Variants in CCDC32 observed in about 807,000 individuals in gnomAD.
CCDC32 encodes coiled-coil domain containing 32.
In CCDC32, 9 loss-of-function variants were observed where a neutral mutation model predicts 20.1. The ratio of observed to expected loss-of-function variants is 0.45; its 90% CI spans 0.27 to 0.78. CCDC32 has a LOEUF of 0.78. Ranked by LOEUF, CCDC32 falls within the 30% of genes least tolerant of loss-of-function variation. CCDC32 has a pLI of 0.16. For synonymous variants in CCDC32, 63 were observed against 79.0 expected (o/e 0.80, Z 1.07); for missense variants, 204 against 215.5 (o/e 0.95, Z 0.33).
chr15:40,540,747 A>C (rs576745181), intron 3 of CCDC32, among the ~76,000 whole-genome samples: 1 of 152,138 alleles, frequency 6.6e-6, no homozygotes, highest in Non-Finnish European at 1.5e-5. Context: ...ATCTATCCTA[A>C]CCTTGACCAC....
chr15:40,554,572 A>T (rs146011966), intron 3 of CCDC32, among the ~76,000 whole-genome samples: 1 of 152,080 alleles, frequency 6.6e-6, no homozygotes, highest in East Asian at 1.9e-4. Context: ...GCAGTCTGGG[A>T]CTCAATTATA....
At chr15:40,526,620 A>G (rs1257240524), downstream of CCDC32, among the ~76,000 whole-genome samples, 1 of 152,210 alleles carries the variant, frequency 6.6e-6, no homozygotes, top group Non-Finnish European at 1.5e-5. Flanking sequence ...CTTAATTAGA[A>G]CAAATGTGCT....
At chr15:40,559,126 A>T (rs1890453720) in intron 2 of CCDC32, among the ~76,000 whole-genome samples, 4 of 151,854 alleles carry the variant, frequency 2.6e-5, no homozygotes, top group Non-Finnish European at 5.9e-5. Flanking sequence ...TTGCTCTGTC[A>T]CCCAGGCTGG....
At chr15:40,551,307 G>A (rs1003293800), downstream of CCDC32, among the ~76,000 whole-genome samples, 5 of 151,928 alleles carry the variant, frequency 3.3e-5, no homozygotes, top group Non-Finnish European at 5.9e-5. Flanking sequence ...GTGTGAACCC[G>A]GGAGGCAGAG....
intron 3 of CCDC32, among the ~76,000 whole-genome samples, chr15:40,555,303 T>C (rs1041722103): frequency 1.3e-5 from 2 of 152,218 alleles, no homozygotes; most frequent in African/African-American, 2.4e-5. Context: ...TCAAATTATT[T>C]CCATAGAGAA....
intron 2 of CCDC32, among the ~76,000 whole-genome samples, chr15:40,561,097 G>A (rs928154821): frequency 2.6e-5 from 4 of 152,190 alleles, no homozygotes; most frequent in Non-Finnish European, 5.9e-5. Flanking sequence ...TCCTCTAAGT[G>A]AAGTAACTCA....
chr15:40,535,637 C>T, downstream of CCDC32: 1 of 985,112 alleles, frequency 1.0e-6, no homozygotes, highest in Non-Finnish European at 1.2e-6. Context: ...AAAAATAGTG[C>T]ATGCTGAACA....
downstream of CCDC32, among the ~76,000 whole-genome samples, chr15:40,533,081 A>G (rs1477855232): frequency 1.3e-5 from 2 of 152,256 alleles, no homozygotes; most frequent in Middle Eastern, 3.4e-3. Flanking sequence ...ATGGTTCATC[A>G]TGAGCTCTGT....
At chr15:40,552,689 C>CG (rs1246716643), downstream of CCDC32, among the ~76,000 whole-genome samples, 3 of 136,270 alleles carry the variant, frequency 2.2e-5, no homozygotes, top group Non-Finnish European at 4.6e-5. Flanking sequence ...GTGGGAGGAT[C>CG]ACCTGAGCTC....
chr15:40,532,776 C>T (rs1439023660), downstream of CCDC32, among the ~76,000 whole-genome samples: 2 of 130,490 alleles, frequency 1.5e-5, no homozygotes, highest in Admixed American at 9.2e-5. Flanking sequence ...GGCTGGAATG[C>T]AGTGGCATGA....
chr15:40,553,333 A>G lies in CCDC32; in HGVS notation c.*638T>C. ...CATGAAGTAAAAAATACATATACAC[A>G]GACATAAACACCCACATTTTCACAC... On this transcript the variant is annotated 3_prime_UTR_variant, in exon 4 of 4. Transcript: ENST00000416810. 1.0e-6 allele frequency: 1 copy of G among 985,394 alleles called. No individual in the cohort carries two copies. Among genetic ancestry groups the G allele is most frequent in the Non-Finnish European group, 1.2e-6 (1 of 829,950 alleles). The allele number at this position is 985,394 out of a possible 1,614,324, so 61.0% of individuals were successfully genotyped here.
downstream of CCDC32, among the ~76,000 whole-genome samples, chr15:40,527,062 C>T (rs1023224010): frequency 3.3e-5 from 5 of 150,168 alleles, no homozygotes; most frequent in African/African-American, 7.4e-5. Context: ...ATGATCCTCC[C>T]GTCTCAGCCT....
At chr15:40,555,094 A>T (rs1890149938) in intron 3 of CCDC32, among the ~76,000 whole-genome samples, 1 of 152,116 alleles carries the variant, frequency 6.6e-6, no homozygotes, top group Non-Finnish European at 1.5e-5. Context: ...TAAAAGATAA[A>T]CTTTGAAGAA....
downstream of CCDC32, among the ~76,000 whole-genome samples, chr15:40,527,273 C>G (rs1054636137): frequency 3.9e-5 from 6 of 152,092 alleles, no homozygotes; most frequent in African/African-American, 1.4e-4. Context: ...CGGGTTCAAG[C>G]ATTTCTCCTG....
In CCDC32 at chr15:40,546,287, G is replaced by A. The variant is rs112677614; in HGVS notation, c.402-6932C>T. On this transcript the variant is annotated intron_variant, in intron 3 of 3. Transcript: ENST00000558113. ...GCTCACTGCAACCTCCGCCTTCTGGGTTCAAGTGATTCTCTTGCCTCAGCC... is the reference window on the plus strand; with the variant it reads ...GCTCACTGCAACCTCCGCCTTCTGGATTCAAGTGATTCTCTTGCCTCAGCC... Among the ~76,000 whole-genome samples, 513 of 151,786 alleles carry A rather than the reference G, an allele frequency of 3.4e-3. 4 individuals are homozygous for A. Among genetic ancestry groups the A allele is most frequent in the African/African-American group, 0.012 (495 of 41,368 alleles).
At chr15:40,539,215 T>C, downstream of CCDC32, 1 of 1,530,912 alleles carries the variant, frequency 6.5e-7, no homozygotes, top group Non-Finnish European at 8.7e-7. Context: ...TGCACATCCC[T>C]GCCTGGCCCG....
At chr15:40,529,585 A>C (rs1425872028) in intron 3 of CCDC32, 1 of 152,060 alleles carries the variant, frequency 6.6e-6, no homozygotes, top group Non-Finnish European at 1.5e-5. Context: ...CTCTTCCCGC[A>C]GTGCATATAC....
downstream of CCDC32, chr15:40,539,062 G>A (rs1483176488): frequency 4.9e-6 from 3 of 609,052 alleles, no homozygotes; most frequent in Non-Finnish European, 8.7e-6. Context: ...CTCGCCAGCT[G>A]TCCCACTTCT....
At chr15:40,532,932 T>G (rs927216062), downstream of CCDC32, among the ~76,000 whole-genome samples, 1 of 151,996 alleles carries the variant, frequency 6.6e-6, no homozygotes, top group Non-Finnish European at 1.5e-5. Flanking sequence ...CTCAAACTCC[T>G]GTGCTCAAGC....
Sources: allele counts gnomAD v4.1 joint callset (sites outside exome capture counted in the v4.1 genomes callset), GRCh38; gene constraint gnomAD v4.1.1; transcripts MANE v1.5; gene names NCBI Gene and HGNC (gene_info 2026-07-23, HGNC 2026-07-21).